Variants in PSPC1 observed in about 807,000 individuals in gnomAD.
PSPC1 encodes paraspeckle component 1.
A neutral mutation model predicts 51.6 loss-of-function variants in PSPC1; 14 were observed. The ratio of observed to expected loss-of-function variants is 0.27; its 90% CI spans 0.18 to 0.42. The LOEUF (loss-of-function observed/expected upper bound fraction) is 0.42, where lower values mean the gene tolerates loss of function less well. Ranked by LOEUF, PSPC1 falls within the 10% of genes least tolerant of loss-of-function variation. The pLI is 1.00. For missense variants in PSPC1, 406 were observed against 701.1 expected (o/e 0.58, Z 4.75); for synonymous variants, 193 against 231.9 (o/e 0.83, Z 1.53).
At chr13:19,739,909 C>A (rs968585668) in intron 5 of PSPC1, among the ~76,000 whole-genome samples, 1 of 149,742 alleles carries the variant, frequency 6.7e-6, no homozygotes, top group Non-Finnish European at 1.5e-5. Flanking sequence ...TCAGATCTAT[C>A]TGAATGCTGG....
chr13:19,735,893 C>T (rs969515271), intron 5 of PSPC1, among the ~76,000 whole-genome samples: 1 of 152,068 alleles, frequency 6.6e-6, no homozygotes, highest in African/African-American at 2.4e-5. Context: ...GCCATCTCTG[C>T]TCACTGCAAG....
chr13:19,692,065 A>G (rs762337180), intron 6 of PSPC1, among the ~76,000 whole-genome samples: 3 of 152,224 alleles, frequency 2.0e-5, no homozygotes, highest in Non-Finnish European at 4.4e-5. Context: ...GTTGTGATTT[A>G]ATTCAGATGG....
chr13:19,716,236 G>A (rs971843150), intron 6 of PSPC1, among the ~76,000 whole-genome samples: 4 of 152,002 alleles, frequency 2.6e-5, no homozygotes, highest in Non-Finnish European at 4.4e-5. Context: ...TACTCAACAC[G>A]TATATTTTGT....
At chr13:19,707,393 A>G (rs1357530874) in intron 7 of PSPC1, among the ~76,000 whole-genome samples, 2 of 152,224 alleles carry the variant, frequency 1.3e-5, no homozygotes, top group Non-Finnish European at 2.9e-5. Context: ...GAAAGGTAGC[A>G]TTATAATGTA....
chr13:19,675,665 A>G (rs1876559507), intron 7 of PSPC1: 1 of 152,170 alleles, frequency 6.6e-6, no homozygotes, highest in African/African-American at 2.4e-5. Context: ...TGGAAAAGAG[A>G]CAGAGTCTTC....
chr13:19,719,211 C>A (rs1421319411), intron 6 of PSPC1, among the ~76,000 whole-genome samples: 1 of 151,822 alleles, frequency 6.6e-6, no homozygotes, highest in Non-Finnish European at 1.5e-5. Flanking sequence ...GCATGTGGCA[C>A]GGGGTAGACG....
intron 3 of PSPC1, among the ~76,000 whole-genome samples, chr13:19,756,563 G>A (rs907672444): frequency 9.2e-5 from 14 of 151,670 alleles, no homozygotes; most frequent in Admixed American, 2.0e-4. Flanking sequence ...GTGGTGGCGC[G>A]ATCTTGGCTC....
At position 19,682,902 on chromosome 13, in the gene PSPC1, TA is replaced by T. The variant is rs879523563; in HGVS notation, c.1159-5080del. Among the ~76,000 whole-genome samples, 362 of 140,928 alleles carry T rather than the reference TA, an allele frequency of 2.6e-3. 1 individual carries two copies. Among genetic ancestry groups the T allele is most frequent in the Non-Finnish European group, 2.9e-3 (186 of 64,326 alleles). The allele number at this position is 140,928 out of a possible 152,430, so 92.5% of individuals were successfully genotyped here. On this transcript the variant is annotated intron_variant and NMD_transcript_variant, in intron 6 of 7. Transcript: ENST00000471658. ...CATAGTGAGAGACCCTGTCTCTCAC[TA>T]AAAAAAAAAAATAAATTAGCCAGAT...
intron 3 of PSPC1, among the ~76,000 whole-genome samples, chr13:19,758,553 C>T (rs960414196): frequency 3.5e-4 from 53 of 152,198 alleles, no homozygotes; most frequent in African/African-American, 1.2e-3. Context: ...GTATTTCCAG[C>T]TGGGCGTGGT....
rs573223257 is a variant in PSPC1, at chr13:19,766,858, GA to G, written c.674+5383del. Among the ~76,000 whole-genome samples, 677 of 144,336 alleles carry G rather than the reference GA, an allele frequency of 4.7e-3. 5 individuals carry two copies. Among genetic ancestry groups the G allele is most frequent in the South Asian group, 0.026 (120 of 4,560 alleles). The allele number at this position is 144,336 out of a possible 152,430, so 94.7% of individuals were successfully genotyped here. A position where few individuals can be genotyped will look rare whatever the true frequency, so the allele number is the denominator to read the frequency against. ...AGGCACACTGAGACATTGCCTCGAG[GA>G]AAAAAAAAGAAAAAAAAAAAGGACA... is the stretch of plus-strand genomic sequence containing the variant. On this transcript the variant is annotated intron_variant, in intron 2 of 8. Coordinates refer to ENST00000338910, the MANE Select transcript of PSPC1 (RefSeq NM_001354909.2).
At chr13:19,756,368 G>C (rs1279155805) in intron 3 of PSPC1, among the ~76,000 whole-genome samples, 1 of 152,066 alleles carries the variant, frequency 6.6e-6, no homozygotes, top group Non-Finnish European at 1.5e-5. Context: ...CTTTGTTCAA[G>C]ACGCCAAGAA....
At chr13:19,677,101 C>T (rs1025641518) in intron 7 of PSPC1, among the ~76,000 whole-genome samples, 2 of 152,104 alleles carry the variant, frequency 1.3e-5, no homozygotes, top group South Asian at 2.1e-4. Context: ...GGCATGGTGG[C>T]AGGCGCCTGT....
chr13:19,699,973 A>C (rs547510798), downstream of PSPC1, among the ~76,000 whole-genome samples: 2 of 152,140 alleles, frequency 1.3e-5, no homozygotes, highest in South Asian at 4.1e-4. Context: ...TCATTTTTTC[A>C]AAATGATGTG....
intron 6 of PSPC1, among the ~76,000 whole-genome samples, chr13:19,690,335 CAAT>C (rs1380242225): frequency 2.6e-5 from 4 of 152,304 alleles, no homozygotes; most frequent in Admixed American, 6.5e-5. Context: ...ATCACATCAA[CAAT>C]GAGTTCTAGT....
At chr13:19,741,356 T>G (rs1423475812) in intron 5 of PSPC1, among the ~76,000 whole-genome samples, 1 of 152,216 alleles carries the variant, frequency 6.6e-6, no homozygotes, top group Admixed American at 6.5e-5. Context: ...CTTGTTTAAC[T>G]TCAAAGTTTA....
At chr13:19,694,119 T>A (rs1449802509) in intron 6 of PSPC1, among the ~76,000 whole-genome samples, 2 of 17,012 alleles carry the variant, frequency 1.2e-4, no homozygotes, top group Admixed American at 1.5e-3. Context: ...CGAGACTCCA[T>A]CTCAAAAAAA....
intron 2 of PSPC1, among the ~76,000 whole-genome samples, chr13:19,770,858 C>T (rs2138295261): frequency 6.6e-6 from 1 of 151,600 alleles, no homozygotes; most frequent in East Asian, 1.9e-4. Flanking sequence ...AAGATCGCCA[C>T]TGCACTGCAG....
chr13:19,723,561 A>T (rs1883026224), intron 6 of PSPC1, among the ~76,000 whole-genome samples: 2 of 152,218 alleles, frequency 1.3e-5, no homozygotes, highest in African/African-American at 4.8e-5. Context: ...GGTTTCCCAC[A>T]CATCATTAGA....
At chr13:19,743,055 G>C (rs2138053013) in intron 4 of PSPC1, among the ~76,000 whole-genome samples, 2 of 152,286 alleles carry the variant, frequency 1.3e-5, no homozygotes, top group South Asian at 4.1e-4. Context: ...GGGGGTTCCA[G>C]AGTAAGATAA....
Sources: gnomAD v4.1 joint callset for allele counts (sites outside exome capture counted in the v4.1 genomes callset) on GRCh38, gnomAD v4.1.1 for gene constraint, MANE v1.5 for transcripts, NCBI Gene and HGNC (gene_info 2026-07-23, HGNC 2026-07-21) for gene names.